CSMD1: variants seen among roughly 807,000 people sequenced by gnomAD.
The protein encoded by CSMD1 is CUB and sushi domain-containing protein 1.
CSMD1 carries 213 observed loss-of-function variants against 417.5 expected under a neutral mutation model. That is an observed-to-expected ratio of 0.51 (90% CI 0.46 to 0.57). The LOEUF (loss-of-function observed/expected upper bound fraction) is 0.57, where lower values mean the gene tolerates loss of function less well. Ranked by LOEUF, CSMD1 falls within the 20% of genes least tolerant of loss-of-function variation. The pLI, the probability that CSMD1 is intolerant of heterozygous loss-of-function variation, is 0.00. For synonymous variants in CSMD1, 2,862 were observed against 1,736.8 expected (o/e 1.65, Z -16.11); for missense variants, 6,923 against 4,529.7 (o/e 1.53, Z -15.17).
intron 1 of CSMD1, among the ~76,000 whole-genome samples, chr8:4,821,747 G>A (rs937351811): frequency 1.3e-5 from 2 of 152,076 alleles, no homozygotes; most frequent in Admixed American, 6.6e-5. Context: ...TGTTATAAGT[G>A]ATGTTACCTT....
At chr8:3,887,312 G>A (rs1806633272) in intron 5 of CSMD1, among the ~76,000 whole-genome samples, 1 of 152,168 alleles carries the variant, frequency 6.6e-6, no homozygotes, top group Non-Finnish European at 1.5e-5. Context: ...CCCATCGCCA[G>A]GTGATAGTTT....
intron 68 of CSMD1, among the ~76,000 whole-genome samples, chr8:2,946,285 C>G (rs1802229139): frequency 6.6e-6 from 1 of 152,182 alleles, no homozygotes; most frequent in South Asian, 2.1e-4. Context: ...CAATCCAAGG[C>G]TTTCTCAGTG....
intron 10 of CSMD1, among the ~76,000 whole-genome samples, chr8:3,509,411 T>C (rs570059472): frequency 6.6e-6 from 1 of 152,296 alleles, no homozygotes; most frequent in Admixed American, 6.5e-5. Context: ...TTTTAGACAA[T>C]TTTCTCAGGA....
At chr8:3,468,860 G>T (rs376290454) in intron 11 of CSMD1, 36 bp from the exon 12 acceptor site, 2 of 1,399,794 alleles carry the variant, frequency 1.4e-6, no homozygotes, top group Admixed American at 2.0e-5. Flanking sequence ...TTTTAGGTAA[G>T]GCAACAAGTA....
intron 41 of CSMD1, among the ~76,000 whole-genome samples, chr8:3,119,711 T>A (rs561228186): frequency 6.6e-6 from 1 of 152,328 alleles, no homozygotes; most frequent in South Asian, 2.1e-4. Context: ...CATCTTTGAA[T>A]ATTTAGGCAC....
intron 20 of CSMD1, among the ~76,000 whole-genome samples, chr8:3,365,992 T>A (rs1454143146): frequency 6.6e-6 from 1 of 152,212 alleles, no homozygotes; most frequent in Non-Finnish European, 1.5e-5. Context: ...AATACTCAAC[T>A]ATTGTGACAC....
intron 3 of CSMD1, among the ~76,000 whole-genome samples, chr8:4,148,711 G>A (rs10100901): frequency 6.6e-6 from 1 of 151,866 alleles, no homozygotes; most frequent in Admixed American, 6.6e-5. Context: ...CCCACAGCGA[G>A]GGCTCCACTC....
In CSMD1 at chr8:2,966,481, A is replaced by G. The variant is rs983398206; in HGVS notation, c.9100+89T>C. 2.6e-6 allele frequency: 3 copies of G among 1,153,488 alleles called. No individual in the cohort carries two copies. The African/African-American group carries it at 4.7e-5, about 18-fold the overall frequency. The allele number at this position is 1,153,488 out of a possible 1,614,324, so 71.5% of individuals were successfully genotyped here. On this transcript the variant is annotated intron_variant, in intron 58 of 69. Coordinates refer to ENST00000635120, the MANE Select transcript of CSMD1 (RefSeq NM_033225.6). ...TTCCTCTATGAATTAAAAATAAAAA[A>G]ACAGTATAACACCTTAAAGTCATTT...
intron 3 of CSMD1, among the ~76,000 whole-genome samples, chr8:4,098,616 A>C (rs559505133): frequency 9.9e-5 from 15 of 152,242 alleles, no homozygotes; most frequent in African/African-American, 3.4e-4. Flanking sequence ...AAATAAGTGA[A>C]GGTAGTGAAA....
At chr8:4,069,407 G>T (rs374263618) in intron 3 of CSMD1, among the ~76,000 whole-genome samples, 1 of 152,168 alleles carries the variant, frequency 6.6e-6, no homozygotes, top group Admixed American at 6.5e-5. Flanking sequence ...AGTTTTCCGA[G>T]TTTTCCATGA....
chr8:4,814,246 G>GTATGTGTGTGCGCATGTGCGCGTGTA (rs1799075004), intron 1 of CSMD1, among the ~76,000 whole-genome samples: 1 of 152,174 alleles, frequency 6.6e-6, no homozygotes, highest in East Asian at 1.9e-4. Flanking sequence ...GTGCGCGTGT[G>GTATGTGTGTGCGCATGTGCGCGTGTA]TGTATGTGTG....
intron 5 of CSMD1, among the ~76,000 whole-genome samples, chr8:3,929,648 T>A (rs771244128): frequency 3.5e-5 from 5 of 144,722 alleles, no homozygotes; most frequent in South Asian, 4.5e-4. Flanking sequence ...CAAAACATAT[T>A]TGTATGAATA....
intron 1 of CSMD1, among the ~76,000 whole-genome samples, chr8:4,839,032 C>G (rs553477468): frequency 7.2e-4 from 109 of 152,138 alleles, no homozygotes; most frequent in Non-Finnish European, 1.4e-3. Context: ...GCCAGTATAA[C>G]TTTTTGGAAT....
chr8:3,397,518 T>C (rs11774056), intron 16 of CSMD1, among the ~76,000 whole-genome samples: 25,298 of 152,228 alleles, frequency 0.17, 2,172 homozygotes, highest in Middle Eastern at 0.2. Flanking sequence ...GAACCATTTG[T>C]ATATCACACA....
At chr8:3,707,406 C>T (rs1048434161) in intron 7 of CSMD1, among the ~76,000 whole-genome samples, 4 of 152,158 alleles carry the variant, frequency 2.6e-5, no homozygotes, top group South Asian at 2.1e-4. Context: ...CGGGGACAGG[C>T]GCACCCACAG....
At chr8:3,941,415 T>G (rs181011031) in intron 5 of CSMD1, among the ~76,000 whole-genome samples, 1 of 152,288 alleles carries the variant, frequency 6.6e-6, no homozygotes, top group Non-Finnish European at 1.5e-5. Flanking sequence ...ATTGTAAATA[T>G]TTCTGTCCAT....
intron 5 of CSMD1, among the ~76,000 whole-genome samples, chr8:3,824,253 A>G (rs1225615223): frequency 1.5e-5 from 2 of 129,056 alleles, no homozygotes; most frequent in South Asian, 2.4e-4. Flanking sequence ...AACAAAAACC[A>G]AAAAAAAAAA....
chr8:4,791,387 C>A (rs1196536023), intron 1 of CSMD1, among the ~76,000 whole-genome samples: 1 of 152,140 alleles, frequency 6.6e-6, no homozygotes, highest in Non-Finnish European at 1.5e-5. Flanking sequence ...CCAATTCAGC[C>A]CTTTGACTCC....
chr8:3,919,853 G>A (rs1040989529), intron 5 of CSMD1, among the ~76,000 whole-genome samples: 1 of 151,710 alleles, frequency 6.6e-6, no homozygotes, highest in Non-Finnish European at 1.5e-5. Context: ...CACCTCCTTG[G>A]TTATTTTTTC....
Sources: allele counts gnomAD v4.1 joint callset (sites outside exome capture counted in the v4.1 genomes callset), GRCh38; gene constraint gnomAD v4.1.1; transcripts MANE v1.5; gene names NCBI Gene and HGNC (gene_info 2026-07-23, HGNC 2026-07-21).